The following NRL variants were observed in gnomAD, a reference collection of about 807,000 sequenced individuals.
The protein encoded by NRL is neural retina leucine zipper, also known as neural retina-specific leucine zipper protein.
NRL carries 16 observed loss-of-function variants against 12.5 expected under a neutral mutation model. The ratio of observed to expected loss-of-function variants is 1.28; its 90% CI spans 0.87 to 1.95. NRL has a LOEUF of 1.95. Among genes scored for constraint, NRL ranks in the 30% most tolerant of loss-of-function variants. The probability of loss-of-function intolerance (pLI) is 0.00; values close to 1 mark genes in which losing one functional copy is unlikely to be tolerated. For synonymous variants in NRL, 142 were observed against 150.9 expected (o/e 0.94, Z 0.43); for missense variants, 314 against 325.8 (o/e 0.96, Z 0.28).
chr14:24,103,714 T>C lies in NRL; in HGVS notation c.-28+11008A>G, dbSNP rs375883779. ...GAGAATGCTCGGGTGCTAGACTGGA[T>C]CTGCCGGCGGTTAGAGGGGGAGGAC... On this transcript the variant is annotated intron_variant, in intron 1 of 2. Coordinates refer to ENST00000561028, the MANE Select transcript of NRL (RefSeq NM_001354768.3). 42 of 1,614,026 alleles carry C rather than the reference T, an allele frequency of 2.6e-5. No homozygotes were observed. Among genetic ancestry groups the C allele is most frequent in the Non-Finnish European group, 3.1e-5 (37 of 1,180,030 alleles).
intron 1 of NRL, chr14:24,095,318 A>C: frequency 2.3e-6 from 1 of 437,654 alleles, no homozygotes; most frequent in South Asian, 1.6e-5. Context: ...TGTCCTCAAG[A>C]CTGTGTGCTT....
In NRL at chr14:24,081,570, T is replaced by G. The variant is rs1471333851; in HGVS notation, c.382-2A>C. ...CGCGTCGGAAAACCGCTCTGCCAGC[T>G]GCGGAGGGAGAATGCAGAAACCGGG... On this transcript the variant is annotated splice_acceptor_variant, in intron 2 of 2. Coordinates refer to ENST00000561028, the MANE Select transcript of NRL (RefSeq NM_001354768.3). LOFTEE classifies it high-confidence loss of function. This position sits in a 1 kb window ranked among gnomAD's most constrained non-coding sequence, Gnocchi z 4.4. 6.3e-7 allele frequency: 1 copy of G among 1,592,452 alleles called. No homozygotes were observed. The highest frequency in any genetic ancestry group is 8.5e-7 in the Non-Finnish European group (1 of 1,171,102).
chr14:24,100,871 G>T (rs1047159432), intron 1 of NRL, among the ~76,000 whole-genome samples: 2 of 152,166 alleles, frequency 1.3e-5, no homozygotes, highest in African/African-American at 4.8e-5. Context: ...TCTGAATCCT[G>T]TCATTACCCT....
At chr14:24,104,360 TG>T (rs979436718) in intron 1 of NRL, among the ~76,000 whole-genome samples, 6 of 151,098 alleles carry the variant, frequency 4.0e-5, no homozygotes, top group African/African-American at 1.5e-4. Flanking sequence ...CTGGGTGTGG[TG>T]GTTCACGCCT....
rs1594290924 is a variant in NRL, at chr14:24,097,472, G to C, written c.-27-14597C>G. ...CCAGCTACTTGGGAGGGTGAGGCAGGAGAATCACTTAAACCCAAGAGGCGG... is the reference window on the plus strand; with the variant it reads ...CCAGCTACTTGGGAGGGTGAGGCAGCAGAATCACTTAAACCCAAGAGGCGG... On this transcript the variant is annotated intron_variant, in intron 1 of 2. Coordinates refer to ENST00000561028, the MANE Select transcript of NRL (RefSeq NM_001354768.3). Among the ~76,000 whole-genome samples the C allele has an allele frequency of 2.6e-5, 4 of 151,830 alleles. No individual in the cohort carries two copies. In the East Asian group the frequency reaches 7.8e-4, roughly 30 times the overall value.
intron 1 of NRL, among the ~76,000 whole-genome samples, chr14:24,111,309 G>C (rs555146598): frequency 6.6e-6 from 1 of 152,298 alleles, no homozygotes; most frequent in African/African-American, 2.4e-5. Flanking sequence ...AATGCTGTTA[G>C]AGGAGGATTC....
intron 1 of NRL, chr14:24,100,392 C>T: frequency 1.5e-6 from 2 of 1,359,752 alleles, no homozygotes; most frequent in South Asian, 3.1e-5. Flanking sequence ...CCACCAGTCA[C>T]TGGTTTTGTG....
chr14:24,079,330 AGAGT>A lies in NRL; in HGVS notation c.*1902_*1905del, dbSNP rs1473281843. 6.6e-6 allele frequency among the ~76,000 whole-genome samples: 1 copy of A among 152,252 alleles called. No homozygotes were observed. Among genetic ancestry groups the A allele is most frequent in the Non-Finnish European group, 1.5e-5 (1 of 68,056 alleles). On this transcript the variant is annotated 3_prime_UTR_variant, in exon 3 of 3. Coordinates refer to ENST00000561028, the MANE Select transcript of NRL (RefSeq NM_001354768.3). ...GCAAGGATAGACACAGGTGAAATTTAGAGTGAGAGAAAAAGAGCTGGGCTCCCGG... is the reference window on the plus strand; with the variant it reads ...GCAAGGATAGACACAGGTGAAATTTAGAGAGAAAAAGAGCTGGGCTCCCGG...
intron 1 of NRL, among the ~76,000 whole-genome samples, chr14:24,106,229 G>A (rs758961963): frequency 1.3e-5 from 2 of 152,174 alleles, no homozygotes; most frequent in Non-Finnish European, 2.9e-5. Flanking sequence ...ATAACCTAAG[G>A]TGGGTAGTGT....
At chr14:24,095,049 C>G (rs2138925226) in intron 1 of NRL, 3 of 448,780 alleles carry the variant, frequency 6.7e-6, no homozygotes, top group East Asian at 1.4e-4. Context: ...TAGCTGGCTT[C>G]TTCCTCCGTC....
chr14:24,114,541 G>T, intron 1 of NRL, 181 bp downstream of exon 1: 1 of 328,838 alleles, frequency 3.0e-6, no homozygotes, highest in Non-Finnish European at 4.4e-6. Context: ...ATACCTCTCG[G>T]TAGCGAACCA....
chr14:24,088,978 G>T (rs549297025), intron 1 of NRL, among the ~76,000 whole-genome samples: 1,490 of 148,716 alleles, frequency 0.01, 6 homozygotes, highest in Non-Finnish European at 0.017. Flanking sequence ...TTTTTTTTTT[G>T]TATTTTTAGT....
chr14:24,081,839 A>C lies in NRL; in HGVS notation c.382-271T>G. ...GTCAGGCGAGCCCGTCGCGCACCTA[A>C]ACCCCGGGCTCGTCTCTGGGATCCC... On this transcript the variant is annotated intron_variant, in intron 2 of 2. Coordinates refer to ENST00000561028, the MANE Select transcript of NRL (RefSeq NM_001354768.3). This position sits in a 1 kb window ranked among gnomAD's most constrained non-coding sequence, Gnocchi z 4.4. 1.4e-6 allele frequency: 2 copies of C among 1,407,344 alleles called. No homozygotes were observed. The highest frequency in any genetic ancestry group is 1.8e-6 in the Non-Finnish European group (2 of 1,081,376). 87.2% of individuals were successfully genotyped at this position (1,407,344 alleles called of 1,614,324 possible).
intron 1 of NRL, chr14:24,099,227 G>A (rs1443054986): frequency 1.9e-6 from 3 of 1,594,024 alleles, no homozygotes; most frequent in Non-Finnish European, 2.6e-6. Flanking sequence ...GGCTGGCAGA[G>A]CACATGCTGG....
chr14:24,098,277 G>A lies in NRL; in HGVS notation c.-27-15402C>T, dbSNP rs749499634. 27 of 1,614,110 alleles carry A rather than the reference G, an allele frequency of 1.7e-5. No individual in the cohort carries two copies. The highest frequency in any genetic ancestry group is 1.6e-4 in the Middle Eastern group (1 of 6,062). ...ACGGTGATTGTAACTCCTTCTCAGC[G>A]GGACACGGTACCACTCCCGCCTGGT... On this transcript the variant is annotated intron_variant, in intron 1 of 2. Coordinates refer to ENST00000561028, the MANE Select transcript of NRL (RefSeq NM_001354768.3).
At chr14:24,096,228 CTTTTTTTTTT>C (rs34592767) in intron 1 of NRL, among the ~76,000 whole-genome samples, 115 of 58,888 alleles carry the variant, frequency 2.0e-3, no homozygotes, top group African/African-American at 7.9e-3. Flanking sequence ...CTACTCATTT[CTTTTTTTTTT>C]TTTTTTTTTT....
intron 1 of NRL, among the ~76,000 whole-genome samples, chr14:24,089,603 G>T (rs1191417725): frequency 3.3e-5 from 5 of 152,148 alleles, no homozygotes; most frequent in Admixed American, 1.3e-4. Flanking sequence ...CCTGCCGCAG[G>T]TCCTACATAT....
In NRL at chr14:24,104,502, G is replaced by A. The variant is rs537893646; in HGVS notation, c.-28+10220C>T. 6.0e-3 allele frequency among the ~76,000 whole-genome samples: 903 copies of A among 151,756 alleles called. 7 individuals carry two copies. The highest frequency in any genetic ancestry group is 0.021 in the African/African-American group (862 of 41,372). On this transcript the variant is annotated intron_variant, in intron 1 of 2. Coordinates refer to ENST00000561028, the MANE Select transcript of NRL (RefSeq NM_001354768.3). ...AAAAAAAAAAAAATTAACCGGGAGT[G>A]GTGGCGGGCGCCTGTAGTCCTAGCT...
intron 1 of NRL, chr14:24,098,306 G>A: frequency 6.2e-7 from 1 of 1,614,122 alleles, no homozygotes; most frequent in Middle Eastern, 1.6e-4. Flanking sequence ...GCCTGGTGGG[G>A]CCCGTGGGCA....
Sources: allele counts gnomAD v4.1 joint callset (sites outside exome capture counted in the v4.1 genomes callset), GRCh38; gene constraint gnomAD v4.1.1; non-coding constraint Gnocchi (gnomAD v3.1); transcripts MANE v1.5; gene names NCBI Gene and HGNC (gene_info 2026-07-23, HGNC 2026-07-21).